The following CNTLN variants were observed in gnomAD, a reference collection of about 807,000 sequenced individuals.
CNTLN encodes the protein centlein, also known as centlein, centrosomal protein.
Under a neutral mutation model 180.0 loss-of-function variants are expected in CNTLN, and 212 were observed. The observed-to-expected ratio is 1.18, with a 90% CI of 1.05 to 1.32. CNTLN has a LOEUF of 1.32. Among genes scored for constraint, CNTLN ranks in the 40% most tolerant of loss-of-function variants. The pLI is 0.00. For missense variants in CNTLN, 2,095 were observed against 1,610.9 expected (o/e 1.30, Z -5.14); for synonymous variants, 722 against 563.1 (o/e 1.28, Z -3.99).
chr9:17,335,925 C>CA (rs66491731), intron 10 of CNTLN, among the ~76,000 whole-genome samples: 2,894 of 138,388 alleles, frequency 0.021, 161 homozygotes, highest in African/African-American at 0.063. Flanking sequence ...GAGTCTGTCT[C>CA]AAAAACAAAA....
intron 12 of CNTLN, among the ~76,000 whole-genome samples, chr9:17,363,221 A>C (rs920905431): frequency 7.9e-5 from 12 of 152,188 alleles, no homozygotes; most frequent in African/African-American, 2.7e-4. Flanking sequence ...ATGATTTATA[A>C]TCCTCTGGGT....
the CNTLN span, among the ~76,000 whole-genome samples, chr9:17,517,080 CT>C: frequency 6.6e-6 from 1 of 152,182 alleles, no homozygotes; most frequent in Non-Finnish European, 1.5e-5. Context: ...AGTCCTAGCT[CT>C]CCTGTATCTC....
At chr9:17,468,249 G>T (rs1362178447) in intron 23 of CNTLN, among the ~76,000 whole-genome samples, 1 of 151,632 alleles carries the variant, frequency 6.6e-6, no homozygotes, top group Non-Finnish European at 1.5e-5. Flanking sequence ...GAGGGTGAGG[G>T]TGGGAGGAGG....
intron 2 of CNTLN, among the ~76,000 whole-genome samples, chr9:17,159,975 A>G (rs892939532): frequency 2.0e-5 from 3 of 152,136 alleles, no homozygotes; most frequent in Non-Finnish European, 4.4e-5. Flanking sequence ...AAACTGCTCA[A>G]TTTTGGGGTA....
At chr9:17,474,422 G>C (rs1286641277) in intron 23 of CNTLN, among the ~76,000 whole-genome samples, 1 of 152,004 alleles carries the variant, frequency 6.6e-6, no homozygotes, top group East Asian at 1.9e-4. Flanking sequence ...AATCGTGTCT[G>C]CTCCTGTTTG....
At chr9:17,263,377 A>G (rs1307790087) in intron 5 of CNTLN, among the ~76,000 whole-genome samples, 1 of 150,702 alleles carries the variant, frequency 6.6e-6, no homozygotes, top group East Asian at 2.0e-4. Context: ...TGAACTCATC[A>G]TTTTTTATGG....
intron 12 of CNTLN, among the ~76,000 whole-genome samples, chr9:17,363,445 G>A (rs927744952): frequency 6.6e-6 from 1 of 151,234 alleles, no homozygotes; most frequent in African/African-American, 2.4e-5. Flanking sequence ...TCTCATTGTA[G>A]TTTTGACTTA....
chr9:17,232,378 G>T (rs1824868311), intron 3 of CNTLN, among the ~76,000 whole-genome samples: 1 of 151,786 alleles, frequency 6.6e-6, no homozygotes, highest in Non-Finnish European at 1.5e-5. Context: ...GTCTGTGTTT[G>T]TCCTTTTGAA....
intron 2 of CNTLN, among the ~76,000 whole-genome samples, chr9:17,210,041 A>G (rs7866391): frequency 0.097 from 14,727 of 152,142 alleles, 1,119 homozygotes; most frequent in East Asian, 0.42. Context: ...TAACATTTGG[A>G]CAGAAGTTAT....
At chr9:17,493,384 A>T (rs918432456) in intron 25 of CNTLN, among the ~76,000 whole-genome samples, 3 of 152,154 alleles carry the variant, frequency 2.0e-5, no homozygotes, top group African/African-American at 7.2e-5. Flanking sequence ...GTATAGTCAA[A>T]TATAGTATGG....
chr9:17,316,815 G>C (rs1307740097), intron 8 of CNTLN, among the ~76,000 whole-genome samples: 2 of 151,274 alleles, frequency 1.3e-5, no homozygotes, highest in East Asian at 3.9e-4. Context: ...TATTTCCTTA[G>C]TGCTTACCCT....
At chr9:17,336,864 G>T (rs1821077265) in intron 10 of CNTLN, among the ~76,000 whole-genome samples, 1 of 152,058 alleles carries the variant, frequency 6.6e-6, no homozygotes, top group Non-Finnish European at 1.5e-5. Flanking sequence ...GGTATTTCTG[G>T]TTCTAGATCC....
intron 2 of CNTLN, among the ~76,000 whole-genome samples, chr9:17,152,607 G>T (rs545791363): frequency 6.6e-6 from 1 of 152,298 alleles, no homozygotes; most frequent in African/African-American, 2.4e-5. Flanking sequence ...GAATAAATGT[G>T]ATGTGGTGCT....
intron 13 of CNTLN, among the ~76,000 whole-genome samples, chr9:17,376,470 G>C (rs962273296): frequency 9.3e-6 from 1 of 107,792 alleles, no homozygotes; most frequent in Non-Finnish European, 1.9e-5. Context: ...TTTTTTTTTT[G>C]AGACGGAGTC....
intron 2 of CNTLN, among the ~76,000 whole-genome samples, chr9:17,175,886 T>C (rs1820689091): frequency 6.6e-6 from 1 of 152,150 alleles, no homozygotes; most frequent in Non-Finnish European, 1.5e-5. Flanking sequence ...TAAATGATAC[T>C]GTATTTTTAT....
intron 25 of CNTLN, 83 bp from the exon 26 acceptor site, chr9:17,502,468 C>G (rs1489765315): frequency 3.1e-6 from 2 of 647,622 alleles, no homozygotes; most frequent in Non-Finnish European, 5.1e-6. Context: ...CATCTAACTT[C>G]TAATGGTTTA....
chr9:17,475,814 A>C (rs1019791872), intron 23 of CNTLN, among the ~76,000 whole-genome samples: 2 of 150,618 alleles, frequency 1.3e-5, no homozygotes, highest in African/African-American at 4.9e-5. Context: ...TGGAGCTTGC[A>C]GTGAGCCAAG....
At chr9:17,153,668 TTCTC>T (rs2131532691) in intron 2 of CNTLN, among the ~76,000 whole-genome samples, 1 of 152,258 alleles carries the variant, frequency 6.6e-6, no homozygotes, top group East Asian at 1.9e-4. Flanking sequence ...CTTTGTGGCA[TTCTC>T]TCTATTTCCT....
chr9:17,202,280 T>A (rs188097676), intron 2 of CNTLN, among the ~76,000 whole-genome samples: 2 of 152,304 alleles, frequency 1.3e-5, no homozygotes, highest in East Asian at 3.9e-4. Context: ...AGAATAAATG[T>A]AATGTGGTGC....
Sources: gnomAD v4.1 joint callset for allele counts (sites outside exome capture counted in the v4.1 genomes callset) on GRCh38, gnomAD v4.1.1 for gene constraint, MANE v1.5 for transcripts, NCBI Gene and HGNC (gene_info 2026-07-23, HGNC 2026-07-21) for gene names.